Variants in EYS observed in about 807,000 individuals in gnomAD.
The protein encoded by EYS is protein eyes shut homolog.
A neutral mutation model predicts 282.1 loss-of-function variants in EYS; 250 were observed. The observed-to-expected ratio is 0.89, with a 90% CI of 0.80 to 0.98. The LOEUF (loss-of-function observed/expected upper bound fraction) is 0.98. EYS is among the 50% of genes least tolerant of loss of function. The pLI is 0.00. For synonymous variants in EYS, 1,355 were observed against 1,282.9 expected (o/e 1.06, Z -1.20); for missense variants, 4,016 against 3,709.0 (o/e 1.08, Z -2.15).
chr6:65,431,730 C>T (rs145322266), intron 5 of EYS, among the ~76,000 whole-genome samples: 17 of 151,874 alleles, frequency 1.1e-4, no homozygotes, highest in South Asian at 4.2e-4. Context: ...TCTAAATTTC[C>T]GTAATTTTCA....
At chr6:65,009,905 AG>A (rs1771812615) in intron 13 of EYS, among the ~76,000 whole-genome samples, 1 of 152,200 alleles carries the variant, frequency 6.6e-6, no homozygotes, top group Non-Finnish European at 1.5e-5. Flanking sequence ...AGCAACTAAG[AG>A]GTTCCTTGGC....
In EYS at chr6:65,353,521, G is replaced by T. The variant is rs1464968889; in HGVS notation, c.1396C>A (p.His466Asn). ...QHLCYCGVTF[H>N]GICQDKGPAQ... ...GGACCTTTATCTTGGCAAATACCATGGAAGGTGACTCCACAGTAGCAGAGG... is the reference window on the plus strand; with the variant it reads ...GGACCTTTATCTTGGCAAATACCATTGAAGGTGACTCCACAGTAGCAGAGG... The change falls in exon 9 of 43, where the codon CAT (histidine) becomes AAT (asparagine). Residue 466 changes from histidine (H) to asparagine (N), a missense_variant. Transcript: ENST00000503581. 5.6e-6 allele frequency: 9 copies of T among 1,612,970 alleles called. No homozygotes were observed. Among genetic ancestry groups the T allele is most frequent in the Non-Finnish European group, 7.6e-6 (9 of 1,179,428 alleles).
chr6:64,186,381 T>G (rs1472540163), intron 31 of EYS, among the ~76,000 whole-genome samples: 1 of 152,142 alleles, frequency 6.6e-6, no homozygotes, highest in Non-Finnish European at 1.5e-5. Flanking sequence ...TGTTGCAACT[T>G]CTTTGTTACA....
chr6:65,381,784 A>T (rs902604552), intron 8 of EYS, among the ~76,000 whole-genome samples: 3 of 152,044 alleles, frequency 2.0e-5, no homozygotes, highest in Middle Eastern at 6.8e-3. Context: ...ACTCACATAT[A>T]GTTTTGCATG....
intron 12 of EYS, among the ~76,000 whole-genome samples, chr6:65,073,959 G>T (rs1773973442): frequency 6.6e-6 from 1 of 151,972 alleles, no homozygotes; most frequent in Non-Finnish European, 1.5e-5. Flanking sequence ...GGTTAGTTTT[G>T]CAGAAAGGGA....
chr6:64,686,259 GAAGT>G (rs1770095985), intron 22 of EYS, among the ~76,000 whole-genome samples: 1 of 151,420 alleles, frequency 6.6e-6, no homozygotes, highest in South Asian at 2.1e-4. Flanking sequence ...AAAATAGAGG[GAAGT>G]AAATACACAT....
chr6:64,000,028 G>C (rs983667702), intron 33 of EYS, among the ~76,000 whole-genome samples: 80 of 152,000 alleles, frequency 5.3e-4, no homozygotes, highest in African/African-American at 1.9e-3. Context: ...TGCATACTGA[G>C]AGTGTGGGTG....
intron 7 of EYS, among the ~76,000 whole-genome samples, chr6:65,386,821 C>T (rs1037308328): frequency 2.0e-5 from 3 of 151,718 alleles, no homozygotes; most frequent in African/African-American, 2.4e-5. Context: ...TTCAGATTAC[C>T]GTGTTTCTAA....
At chr6:64,182,238 G>C (rs757830034) in intron 31 of EYS, among the ~76,000 whole-genome samples, 1 of 152,072 alleles carries the variant, frequency 6.6e-6, no homozygotes, top group East Asian at 1.9e-4. Flanking sequence ...TATGGAATCT[G>C]TCCTACAATC....
intron 12 of EYS, among the ~76,000 whole-genome samples, chr6:65,175,718 T>C (rs1351308352): frequency 2.6e-5 from 4 of 151,472 alleles, no homozygotes; most frequent in Non-Finnish European, 5.9e-5. Flanking sequence ...TGGATCATGA[T>C]GAAATAATAT....
chr6:64,326,926 G>C (rs1441423877), intron 29 of EYS, among the ~76,000 whole-genome samples: 1 of 152,114 alleles, frequency 6.6e-6, no homozygotes, highest in African/African-American at 2.4e-5. Flanking sequence ...ATGATGACTA[G>C]TCCAACCCGA....
At chr6:63,836,018 G>T (rs1771796204) in intron 36 of EYS, among the ~76,000 whole-genome samples, 1 of 151,968 alleles carries the variant, frequency 6.6e-6, no homozygotes, top group African/African-American at 2.4e-5. Flanking sequence ...GGGCTGTTAT[G>T]AATAATGCTC....
intron 28 of EYS, among the ~76,000 whole-genome samples, chr6:64,407,460 T>C (rs966772305): frequency 2.6e-5 from 4 of 151,908 alleles, no homozygotes; most frequent in African/African-American, 9.7e-5. Flanking sequence ...AAAAAAGGAA[T>C]AAAAAGGGTT....
chr6:63,998,718 A>G (rs1046478077), intron 34 of EYS, among the ~76,000 whole-genome samples: 6 of 151,954 alleles, frequency 3.9e-5, no homozygotes, highest in Non-Finnish European at 8.8e-5. Context: ...TGCAAGTACT[A>G]TCATATCCTA....
Position 64,096,996 on chromosome 6 carries a change from T to C in EYS, c.6425-14994A>G, listed in dbSNP as rs188844964. 1.9e-4 allele frequency among the ~76,000 whole-genome samples: 29 copies of C among 152,328 alleles called. No homozygotes were observed. In the East Asian group the frequency reaches 4.6e-3, roughly 24 times the overall value. ...GTCAGGACCCTCAGCTGCAGGTCTG[T>C]TGGAGTTTGCTGGAGGTCCACTCCA... On this transcript the variant is annotated intron_variant, in intron 31 of 42. Transcript: ENST00000503581.
intron 22 of EYS, among the ~76,000 whole-genome samples, chr6:64,786,473 C>T (rs1477990028): frequency 6.6e-6 from 1 of 151,732 alleles, no homozygotes; most frequent in Non-Finnish European, 1.5e-5. Flanking sequence ...TTTTAATATG[C>T]AAATGCAGGG....
chr6:64,002,514 C>A (rs1241693547), intron 33 of EYS, among the ~76,000 whole-genome samples: 1 of 152,178 alleles, frequency 6.6e-6, no homozygotes, highest in Non-Finnish European at 1.5e-5. Flanking sequence ...GAGTCACAGA[C>A]TCCCACCCCT....
chr6:64,551,734 G>A (rs974860206), intron 26 of EYS, among the ~76,000 whole-genome samples: 13 of 151,748 alleles, frequency 8.6e-5, no homozygotes, highest in Non-Finnish European at 8.8e-5. Flanking sequence ...ACAGGGTTTC[G>A]CTAAAACTAG....
At chr6:65,512,212 G>A (rs1484963710) in intron 2 of EYS, among the ~76,000 whole-genome samples, 9 of 152,076 alleles carry the variant, frequency 5.9e-5, no homozygotes, top group East Asian at 3.9e-4. Flanking sequence ...TACATTGTAG[G>A]CCGGGCACGG....
Sources: gnomAD v4.1 joint callset for allele counts (sites outside exome capture counted in the v4.1 genomes callset) on GRCh38, gnomAD v4.1.1 for gene constraint, MANE v1.5 for transcripts, NCBI Gene and HGNC (gene_info 2026-07-23, HGNC 2026-07-21) for gene names.